The following CNTN5 variants were observed in gnomAD, a reference collection of about 807,000 sequenced individuals.
CNTN5 encodes the protein contactin-5.
CNTN5 carries 77 observed loss-of-function variants against 129.1 expected under a neutral mutation model. That is an observed-to-expected ratio of 0.60 (90% CI 0.50 to 0.72). The LOEUF (loss-of-function observed/expected upper bound fraction) is 0.72. CNTN5 is among the 30% of genes least tolerant of loss of function. The pLI is 0.00. For synonymous variants in CNTN5, 509 were observed against 465.6 expected, an observed-to-expected ratio of 1.09 and a Z score of -1.20; for missense variants, 1,478 against 1,328.8, an observed-to-expected ratio of 1.11 and a Z score of -1.75.
intron 2 of CNTN5, among the ~76,000 whole-genome samples, chr11:99,510,948 A>G (rs917824842): frequency 3.9e-5 from 6 of 152,078 alleles, no homozygotes; most frequent in Non-Finnish European, 7.4e-5. Context: ...TCTTATTACC[A>G]CTAAAGACCT....
intron 6 of CNTN5, among the ~76,000 whole-genome samples, chr11:99,910,237 G>C (rs375501553): frequency 6.6e-6 from 1 of 151,940 alleles, no homozygotes; most frequent in East Asian, 1.9e-4. Context: ...GTTGATCACA[G>C]ACCCACAAGT....
chr11:99,945,526 G>C (rs1057343132), intron 7 of CNTN5, among the ~76,000 whole-genome samples: 1 of 141,868 alleles, frequency 7.0e-6, no homozygotes, highest in Non-Finnish European at 1.6e-5. Flanking sequence ...GTATAGGCTA[G>C]AATTTTCAAT....
intron 1 of CNTN5, among the ~76,000 whole-genome samples, chr11:99,243,554 G>A (rs1402257202): frequency 1.3e-5 from 2 of 151,954 alleles, no homozygotes; most frequent in African/African-American, 4.8e-5. Context: ...GTTCAGAATG[G>A]CATTTCCTAA....
intron 2 of CNTN5, among the ~76,000 whole-genome samples, chr11:99,453,233 TAGAG>T (rs1011313692): frequency 8.5e-5 from 13 of 152,308 alleles, no homozygotes; most frequent in African/African-American, 2.9e-4. Context: ...ACATAGTAGT[TAGAG>T]AGAAGCCTAA....
chr11:99,631,991 T>C (rs1951372674), intron 3 of CNTN5, among the ~76,000 whole-genome samples: 1 of 152,176 alleles, frequency 6.6e-6, no homozygotes, highest in Admixed American at 6.5e-5. Context: ...ACCTAACTTA[T>C]AAATTAAACT....
intron 1 of CNTN5, among the ~76,000 whole-genome samples, chr11:99,112,484 G>C (rs1174670473): frequency 6.6e-6 from 1 of 151,970 alleles, no homozygotes; most frequent in Non-Finnish European, 1.5e-5. Context: ...TTTAATACGA[G>C]TTTTCTATTA....
chr11:99,321,715 T>C (rs1468229312), intron 1 of CNTN5, among the ~76,000 whole-genome samples: 2 of 152,170 alleles, frequency 1.3e-5, no homozygotes, highest in Non-Finnish European at 2.9e-5. Context: ...GATTGATTGA[T>C]TGAGTAGAAT....
intron 18 of CNTN5, among the ~76,000 whole-genome samples, chr11:100,277,331 A>G (rs1350329305): frequency 1.3e-5 from 2 of 152,154 alleles, no homozygotes; most frequent in Non-Finnish European, 2.9e-5. Flanking sequence ...TTCTTTGGAT[A>G]TATACCTAGG....
chr11:99,983,781 T>C (rs549558931), intron 8 of CNTN5, among the ~76,000 whole-genome samples: 1 of 152,296 alleles, frequency 6.6e-6, no homozygotes, highest in African/African-American at 2.4e-5. Context: ...CAATAAGATG[T>C]GTTTGCATAT....
At chr11:99,148,626 T>G (rs1430588512) in intron 1 of CNTN5, among the ~76,000 whole-genome samples, 1 of 152,200 alleles carries the variant, frequency 6.6e-6, no homozygotes, top group Admixed American at 6.5e-5. Flanking sequence ...GAAACTCAGC[T>G]ATTTGTTACA....
intron 1 of CNTN5, among the ~76,000 whole-genome samples, chr11:99,045,675 T>C (rs1178743820): frequency 6.6e-6 from 1 of 152,200 alleles, no homozygotes. Flanking sequence ...GTATCATTAC[T>C]CCTAATCTTA....
At chr11:99,326,385 G>T (rs192429525) in intron 2 of CNTN5, among the ~76,000 whole-genome samples, 1 of 152,256 alleles carries the variant, frequency 6.6e-6, no homozygotes, top group Admixed American at 6.5e-5. Context: ...CCTTTAACTT[G>T]TTAGGTTAAT....
chr11:99,708,749 G>A lies in CNTN5; in HGVS notation c.56-110795G>A, dbSNP rs552990090. On this transcript the variant is annotated intron_variant, in intron 3 of 24. Transcript: ENST00000524871. ...GAGTCCCAGCCTCCCTTCTGCCAGA[G>A]ACACCAACATTCTTACACTCAATGG... Among the ~76,000 whole-genome samples, 7 of 151,768 alleles carry A rather than the reference G, an allele frequency of 4.6e-5. No homozygotes were observed. The South Asian group carries it at 1.5e-3, about 31-fold the overall frequency.
At chr11:99,864,646 G>A (rs1275622749) in intron 6 of CNTN5, among the ~76,000 whole-genome samples, 2 of 152,062 alleles carry the variant, frequency 1.3e-5, no homozygotes, top group African/African-American at 4.8e-5. Flanking sequence ...TTTCCTCAAA[G>A]AGCCCCTCCC....
At chr11:99,914,573 C>G (rs1328071342) in intron 6 of CNTN5, among the ~76,000 whole-genome samples, 1 of 152,066 alleles carries the variant, frequency 6.6e-6, no homozygotes, top group Admixed American at 6.6e-5. Context: ...ATTTTTACTG[C>G]TACTGAAGTT....
intron 1 of CNTN5, among the ~76,000 whole-genome samples, chr11:99,138,987 T>C (rs1859376155): frequency 6.6e-6 from 1 of 152,116 alleles, no homozygotes; most frequent in African/African-American, 2.4e-5. Flanking sequence ...ACTCCTGTAA[T>C]CCTAGCACTT....
intron 6 of CNTN5, among the ~76,000 whole-genome samples, chr11:99,881,225 A>C (rs897286643): frequency 6.6e-6 from 1 of 152,304 alleles, no homozygotes; most frequent in Non-Finnish European, 1.5e-5. Context: ...TTTGATCTAC[A>C]TACTACACAC....
intron 3 of CNTN5, among the ~76,000 whole-genome samples, chr11:99,795,651 G>T (rs1221006067): frequency 1.4e-5 from 2 of 147,552 alleles, no homozygotes; most frequent in East Asian, 4.1e-4. Context: ...TTACCCTTTG[G>T]ATCTTTTTTT....
chr11:99,145,012 C>T (rs1368531920), intron 1 of CNTN5, among the ~76,000 whole-genome samples: 3 of 152,018 alleles, frequency 2.0e-5, no homozygotes, highest in African/African-American at 7.2e-5. Context: ...GGTATCTGCA[C>T]ATCCAGCATA....
Sources: gnomAD v4.1 joint callset for allele counts (sites outside exome capture counted in the v4.1 genomes callset) on GRCh38, gnomAD v4.1.1 for gene constraint, MANE v1.5 for transcripts, NCBI Gene and HGNC (gene_info 2026-07-23, HGNC 2026-07-21) for gene names.